IFNAR1: variants seen among roughly 807,000 people sequenced by gnomAD.
IFNAR1 encodes interferon alpha/beta receptor 1.
Under a neutral mutation model 62.1 loss-of-function variants are expected in IFNAR1, and 47 were observed. That is an observed-to-expected ratio of 0.76 (90% CI 0.60 to 0.97). The LOEUF (loss-of-function observed/expected upper bound fraction) is 0.97. IFNAR1 is among the 50% of genes least tolerant of loss of function. The pLI is 0.00. For synonymous variants in IFNAR1, 219 were observed against 226.9 expected (o/e 0.97, Z 0.31); for missense variants, 638 against 654.5 (o/e 0.97, Z 0.27).
At chr21:33,342,486 T>C (rs2083300034) in intron 3 of IFNAR1, among the ~76,000 whole-genome samples, 1 of 151,994 alleles carries the variant, frequency 6.6e-6, no homozygotes, top group Admixed American at 6.6e-5. Context: ...GTACTCCCTT[T>C]CTATACTAAT....
At chr21:33,327,217 A>G (rs2083134826) in intron 1 of IFNAR1, among the ~76,000 whole-genome samples, 1 of 152,180 alleles carries the variant, frequency 6.6e-6, no homozygotes, top group African/African-American at 2.4e-5. Context: ...TTTGATGTGA[A>G]AAAAGCTTTC....
At position 33,358,575 on chromosome 21, in the gene IFNAR1, A is replaced by G. The variant is rs770203234; in HGVS notation, c.*3026A>G. Reference sequence around the variant, plus strand: ...CATGTACCCACCTGATGTAGGTCTTATTCCTTTAGTATGGACTTAAAGTAC... The same window carrying G: ...CATGTACCCACCTGATGTAGGTCTTGTTCCTTTAGTATGGACTTAAAGTAC... On this transcript the variant is annotated 3_prime_UTR_variant, in exon 11 of 11. Coordinates refer to ENST00000270139, the MANE Select transcript of IFNAR1 (RefSeq NM_000629.3). 1.3e-5 allele frequency: 2 copies of G among 151,940 alleles called. No homozygotes were observed. Among genetic ancestry groups the G allele is most frequent in the Non-Finnish European group, 2.9e-5 (2 of 68,022 alleles). 9.4% of individuals were successfully genotyped at this position (151,940 alleles called of 1,614,324 possible).
intron 6 of IFNAR1, among the ~76,000 whole-genome samples, chr21:33,348,682 A>G (rs1209369893): frequency 6.6e-6 from 1 of 152,058 alleles, no homozygotes. Context: ...TGCACCTGTA[A>G]TCCCAGCTAC....
At chr21:33,324,817 A>C, upstream of IFNAR1, 1 of 552,356 alleles carries the variant, frequency 1.8e-6, no homozygotes, top group Non-Finnish European at 3.3e-6. Flanking sequence ...GGATGGGGCA[A>C]TGGGAGCTTG....
chr21:33,340,963 T>A (rs755710918), intron 2 of IFNAR1, 36 bp from the exon 3 acceptor site: 17 of 1,321,822 alleles, frequency 1.3e-5, no homozygotes, highest in Non-Finnish European at 1.8e-5. Context: ...ATTTATACAT[T>A]TGCTCACTCA....
At chr21:33,327,623 G>A (rs201438934) in intron 1 of IFNAR1, among the ~76,000 whole-genome samples, 1 of 152,252 alleles carries the variant, frequency 6.6e-6, no homozygotes, top group East Asian at 1.9e-4. Context: ...TATGTTAAGG[G>A]CCTAATTATC....
At chr21:33,332,154 C>G (rs540375431) in intron 1 of IFNAR1, among the ~76,000 whole-genome samples, 2 of 152,308 alleles carry the variant, frequency 1.3e-5, no homozygotes, top group Admixed American at 1.3e-4. Context: ...TTGGCTGAGT[C>G]TCCCCATTGT....
chr21:33,327,949 C>G (rs1190725481), intron 1 of IFNAR1, among the ~76,000 whole-genome samples: 1 of 152,178 alleles, frequency 6.6e-6, no homozygotes, highest in African/African-American at 2.4e-5. Context: ...AAAGGAATGT[C>G]TGGGATGTCC....
rs754067659 is a variant in IFNAR1, at chr21:33,352,740, TTTAA to T, written c.1144-14_1144-11del. 7.3e-7 allele frequency: 1 copy of T among 1,370,802 alleles called. No individual in the cohort carries two copies. Among genetic ancestry groups the T allele is most frequent in the Non-Finnish European group, 1.0e-6 (1 of 991,834 alleles). The allele number at this position is 1,370,802 out of a possible 1,614,324, so 84.9% of individuals were successfully genotyped here. ...TGAGGTGACTAAATTTTATCAGTGATTTAATTATATTTTCTAGAGAAAAATTATC... is the reference window on the plus strand; with the variant it reads ...TGAGGTGACTAAATTTTATCAGTGATTTATATTTTCTAGAGAAAAATTATC... On this transcript the variant is annotated splice_polypyrimidine_tract_variant and intron_variant, in intron 8 of 10. Coordinates refer to ENST00000270139, the MANE Select transcript of IFNAR1 (RefSeq NM_000629.3).
rs59240203 is a variant in IFNAR1, at chr21:33,333,614, A to ATTTTTTTTTTTTTTTTTTTT, written c.77-1899_77-1898insTTTTTTTTTTTTTTTTTTTT. 3.1e-3 allele frequency among the ~76,000 whole-genome samples: 333 copies of ATTTTTTTTTTTTTTTTTTTT among 106,948 alleles called. 30 individuals are homozygous for ATTTTTTTTTTTTTTTTTTTT. Among genetic ancestry groups the ATTTTTTTTTTTTTTTTTTTT allele is most frequent in the African/African-American group, 7.4e-3 (180 of 24,426 alleles). 70.2% of individuals were successfully genotyped at this position (106,948 alleles called of 152,430 possible). Reference sequence around the variant, plus strand: ...CCATACTTAAAGAGACTGGCGGAATATTTTTTTTTTTCTTTTTTTTTTTTT... The same window carrying ATTTTTTTTTTTTTTTTTTTT: ...CCATACTTAAAGAGACTGGCGGAATATTTTTTTTTTTTTTTTTTTTTTTTTTTTTTTCTTTTTTTTTTTTT... On this transcript the variant is annotated intron_variant, in intron 1 of 10. Coordinates refer to ENST00000270139, the MANE Select transcript of IFNAR1 (RefSeq NM_000629.3).
At position 33,357,989 on chromosome 21, in the gene IFNAR1, C is replaced by T. The variant is rs1398811112; in HGVS notation, c.*2440C>T. The T allele has an allele frequency of 6.6e-6, 1 of 152,226 alleles. No homozygotes were observed. Among genetic ancestry groups the T allele is most frequent in the African/African-American group, 2.4e-5 (1 of 41,446 alleles). 9.4% of individuals were successfully genotyped at this position (152,226 alleles called of 1,614,324 possible). ...CTGTGTTCACCACTGGGAAAACGTA[C>T]TTCAGACTGGATAGCCTAAAAAGGA... On this transcript the variant is annotated 3_prime_UTR_variant, in exon 11 of 11. Transcript: ENST00000270139.
chr21:33,328,632 T>G lies in IFNAR1; in HGVS notation c.76+3501T>G, dbSNP rs567824657. On this transcript the variant is annotated intron_variant, in intron 1 of 10. Transcript: ENST00000270139. ...CAGTCTTTCAGAAGTTGTATAAATG[T>G]ACCTTTTAGCCTAGTAAATGCAATT... Among the ~76,000 whole-genome samples the G allele has an allele frequency of 1.8e-4, 27 of 152,364 alleles. 1 individual carries two copies. In the South Asian group the frequency reaches 4.8e-3, roughly 27 times the overall value.
At chr21:33,332,212 C>CAT (rs1353201060) in intron 1 of IFNAR1, among the ~76,000 whole-genome samples, 1 of 152,150 alleles carries the variant, frequency 6.6e-6, no homozygotes, top group Non-Finnish European at 1.5e-5. Context: ...ACACTGAGAA[C>CAT]ATTAACAACC....
At chr21:33,334,710 G>A in intron 1 of IFNAR1, 2 of 850,230 alleles carry the variant, frequency 2.4e-6, no homozygotes, top group Non-Finnish European at 4.0e-6. Flanking sequence ...CACCTTCCCT[G>A]ACCCCAGTGT....
chr21:33,326,130 T>C (rs1170542408), intron 1 of IFNAR1, among the ~76,000 whole-genome samples: 2 of 152,154 alleles, frequency 1.3e-5, no homozygotes, highest in African/African-American at 4.8e-5. Context: ...AAAATAGTCA[T>C]ACTTTTTAAA....
intron 1 of IFNAR1, among the ~76,000 whole-genome samples, chr21:33,325,887 A>T (rs546771357): frequency 6.6e-6 from 1 of 152,316 alleles, no homozygotes; most frequent in South Asian, 2.1e-4. Flanking sequence ...ACCTGAGAAG[A>T]TAAGCTTGTA....
rs745923629 is a variant in IFNAR1, at chr21:33,359,439, A to C, written c.*3890A>C. 1 of 152,210 alleles carries C rather than the reference A, an allele frequency of 6.6e-6. No individual in the cohort carries two copies. Among genetic ancestry groups the C allele is most frequent in the Non-Finnish European group, 1.5e-5 (1 of 68,038 alleles). 9.4% of individuals were successfully genotyped at this position (152,210 alleles called of 1,614,324 possible). A position where few individuals can be genotyped will look rare whatever the true frequency, so the allele number is the denominator to read the frequency against. On this transcript the variant is annotated 3_prime_UTR_variant, in exon 11 of 11. Coordinates refer to ENST00000270139, the MANE Select transcript of IFNAR1 (RefSeq NM_000629.3). Reference sequence around the variant, plus strand: ...CAGAGCCCAGGGTTGAGCATCCTGAAGGAGCCACTGCAGCCGTCACTGTCC... The same window carrying C: ...CAGAGCCCAGGGTTGAGCATCCTGACGGAGCCACTGCAGCCGTCACTGTCC...
chr21:33,327,269 A>G (rs2083135193), intron 1 of IFNAR1, among the ~76,000 whole-genome samples: 1 of 152,222 alleles, frequency 6.6e-6, no homozygotes. Context: ...GAGGGTGTGC[A>G]TTAAGAAATT....
chr21:33,338,868 G>A (rs951057932), intron 2 of IFNAR1, among the ~76,000 whole-genome samples: 2 of 150,842 alleles, frequency 1.3e-5, no homozygotes, highest in Non-Finnish European at 2.9e-5. Context: ...TCAGCCTCCC[G>A]AGTGCCTGGG....
Sources: allele counts gnomAD v4.1 joint callset (sites outside exome capture counted in the v4.1 genomes callset), GRCh38; gene constraint gnomAD v4.1.1; transcripts MANE v1.5; gene names NCBI Gene and HGNC (gene_info 2026-07-23, HGNC 2026-07-21).